DCAF8L2: variants seen among roughly 807,000 people sequenced by gnomAD.
The protein encoded by DCAF8L2 is DDB1 and CUL4 associated factor 8 like 2.
For synonymous variants in DCAF8L2, 200 were observed against 190.9 expected, an observed-to-expected ratio of 1.05 and a Z score of -0.39; for missense variants, 430 against 490.7, an observed-to-expected ratio of 0.88 and a Z score of 1.17.
intron 3 of DCAF8L2, among the ~76,000 whole-genome samples, chrX:27,698,449 G>A (rs1417799291): frequency 1.8e-5 from 2 of 111,382 alleles, no homozygotes; most frequent in East Asian, 5.7e-4. Context: ...CCATACAAAT[G>A]GAGAGGACAC....
At chrX:27,616,915 TACATTC>T (rs1009435187) in intron 1 of DCAF8L2, among the ~76,000 whole-genome samples, 1 of 111,713 alleles carries the variant, frequency 9.0e-6, no homozygotes, top group African/African-American at 3.2e-5. Context: ...AGAGGGAAAA[TACATTC>T]TCTTTGTGGA....
chrX:27,550,369 C>T, the DCAF8L2 span, among the ~76,000 whole-genome samples: 1 of 111,123 alleles, frequency 9.0e-6, no homozygotes, highest in Admixed American at 9.6e-5. Flanking sequence ...ATGTCCATCA[C>T]CTCAAACCTT....
At chrX:27,633,595 A>T (rs1005717149) in intron 2 of DCAF8L2, 1 of 111,506 alleles carries the variant, frequency 9.0e-6, no homozygotes, top group African/African-American at 3.3e-5. Flanking sequence ...AATTGCCGAT[A>T]CCAATTTCAA....
At chrX:27,664,464 C>T (rs749792052) in intron 2 of DCAF8L2, among the ~76,000 whole-genome samples, 2 of 112,189 alleles carry the variant, frequency 1.8e-5, no homozygotes, top group Non-Finnish European at 3.8e-5. Flanking sequence ...GGAAAGAAGC[C>T]ATCTCCATAA....
chrX:27,512,791 A>ACAAC, the DCAF8L2 span, among the ~76,000 whole-genome samples: 1 of 85,735 alleles, frequency 1.2e-5, no homozygotes, highest in Non-Finnish European at 2.2e-5. Flanking sequence ...AAAAAAAAAA[A>ACAAC]AAAAAAAAAA....
At chrX:27,717,752 G>A (rs1931752439) in intron 4 of DCAF8L2, among the ~76,000 whole-genome samples, 1 of 111,436 alleles carries the variant, frequency 9.0e-6, no homozygotes, top group East Asian at 2.8e-4. Context: ...GTCAATTTTT[G>A]CTTTTGTTAA....
chrX:27,640,834 A>G (rs997911612), intron 2 of DCAF8L2, among the ~76,000 whole-genome samples: 1 of 111,725 alleles, frequency 9.0e-6, no homozygotes, highest in African/African-American at 3.3e-5. Context: ...GTATTTTATT[A>G]TCATTTTAAT....
the DCAF8L2 span, among the ~76,000 whole-genome samples, chrX:27,510,560 T>C: frequency 9.6e-5 from 10 of 103,886 alleles, no homozygotes; most frequent in Non-Finnish European, 1.8e-4. Context: ...GCTGTATTAC[T>C]ATATATATAT....
the DCAF8L2 span, among the ~76,000 whole-genome samples, chrX:27,511,966 G>A: frequency 1.8e-5 from 2 of 111,759 alleles, no homozygotes; most frequent in Non-Finnish European, 3.8e-5. Context: ...GGAGCTGAAA[G>A]ATATTTACAA....
intron 1 of DCAF8L2, among the ~76,000 whole-genome samples, chrX:27,624,759 G>C (rs975969813): frequency 1.8e-5 from 2 of 111,582 alleles, no homozygotes; most frequent in Non-Finnish European, 3.8e-5. Flanking sequence ...CGGGGAAAGA[G>C]TTCCCTACTC....
the DCAF8L2 span, among the ~76,000 whole-genome samples, chrX:27,535,174 T>A: frequency 8.9e-6 from 1 of 112,047 alleles, no homozygotes; most frequent in South Asian, 3.7e-4. Flanking sequence ...TTTCTGTTAA[T>A]ATTTTTAATT....
the DCAF8L2 span, among the ~76,000 whole-genome samples, chrX:27,567,981 A>T: frequency 6.3e-5 from 7 of 111,013 alleles, no homozygotes; most frequent in Admixed American, 5.8e-4. Flanking sequence ...ATTTTTTTTT[A>T]TCAACAACAA....
chrX:27,474,075 G>A, the DCAF8L2 span, among the ~76,000 whole-genome samples: 2 of 110,748 alleles, frequency 1.8e-5, no homozygotes, highest in Non-Finnish European at 3.8e-5. Flanking sequence ...TGTGTCCCTC[G>A]GGTATTCTCA....
At chrX:27,539,068 T>C in the DCAF8L2 span, among the ~76,000 whole-genome samples, 2 of 111,025 alleles carry the variant, frequency 1.8e-5, no homozygotes, top group Admixed American at 1.9e-4. Flanking sequence ...AGGCTAGTCT[T>C]GAACTCCTGG....
At chrX:27,716,802 T>G (rs1931715888) in intron 4 of DCAF8L2, among the ~76,000 whole-genome samples, 1 of 112,021 alleles carries the variant, frequency 8.9e-6, no homozygotes, top group Non-Finnish European at 1.9e-5. Context: ...AGGTATGTCA[T>G]AGTGGTTTAC....
At chrX:27,589,399 A>C (rs1925981418), upstream of DCAF8L2, among the ~76,000 whole-genome samples, 1 of 112,221 alleles carries the variant, frequency 8.9e-6, no homozygotes, top group Non-Finnish European at 1.9e-5. Context: ...TTGGAGAATA[A>C]ATGTAGCAAG....
intron 1 of DCAF8L2, among the ~76,000 whole-genome samples, chrX:27,597,654 C>T (rs1926417619): frequency 1.8e-5 from 2 of 111,983 alleles, no homozygotes; most frequent in South Asian, 7.5e-4. Flanking sequence ...GAGAATGAAT[C>T]GCATTCCATT....
At chrX:27,637,204 A>G (rs1423384179) in intron 2 of DCAF8L2, among the ~76,000 whole-genome samples, 1 of 111,940 alleles carries the variant, frequency 8.9e-6, no homozygotes, top group African/African-American at 3.2e-5. Flanking sequence ...TTAAATTAAC[A>G]TTTTGGTTTA....
intron 1 of DCAF8L2, among the ~76,000 whole-genome samples, chrX:27,623,417 GA>G (rs909961650): frequency 1.0e-4 from 11 of 109,794 alleles, no homozygotes; most frequent in African/African-American, 3.3e-4. Context: ...TGCATAAATG[GA>G]AAAAAAACTG....
Sources: allele counts gnomAD v4.1 joint callset (sites outside exome capture counted in the v4.1 genomes callset), GRCh38; gene constraint gnomAD v4.1.1; transcripts MANE v1.5; gene names NCBI Gene and HGNC (gene_info 2026-07-23, HGNC 2026-07-21).